CASZ1: variants seen among roughly 807,000 people sequenced by gnomAD.
CASZ1 encodes the protein zinc finger protein castor homolog 1.
Under a neutral mutation model 135.2 loss-of-function variants are expected in CASZ1, and 28 were observed. That is an observed-to-expected ratio of 0.21 (90% CI 0.15 to 0.28). The LOEUF is 0.28. CASZ1 is among the 10% of genes least tolerant of loss of function. CASZ1 has a pLI of 1.00. For missense variants in CASZ1, 2,161 were observed against 2,453.3 expected, an observed-to-expected ratio of 0.88 and a Z score of 2.52; for synonymous variants, 1,068 against 1,073.4, an observed-to-expected ratio of 0.99 and a Z score of 0.10.
intron 4 of CASZ1, among the ~76,000 whole-genome samples, chr1:10,687,215 C>G (rs957405562): frequency 6.6e-6 from 1 of 152,180 alleles, no homozygotes; most frequent in African/African-American, 2.4e-5. Flanking sequence ...TGAAAGAGCC[C>G]CATAAGAAAA....
At chr1:10,723,699 C>A (rs952225866) in intron 2 of CASZ1, among the ~76,000 whole-genome samples, 1 of 152,206 alleles carries the variant, frequency 6.6e-6, no homozygotes, top group African/African-American at 2.4e-5. Context: ...GGAAGCTGCC[C>A]CCATCTCTGA....
chr1:10,724,576 C>A lies in CASZ1; in HGVS notation c.-76-19032G>T, dbSNP rs1203577918. Among the ~76,000 whole-genome samples the A allele has an allele frequency of 6.6e-6, 1 of 152,184 alleles. No individual in the cohort carries two copies. Among genetic ancestry groups the A allele is most frequent in the African/African-American group, 2.4e-5 (1 of 41,440 alleles). ...GCTTTGGAGCCCAGGAATCACCTAGCCCTCAGGGGTAGGGGCTCAGGGAGT... is the reference window on the plus strand; with the variant it reads ...GCTTTGGAGCCCAGGAATCACCTAGACCTCAGGGGTAGGGGCTCAGGGAGT... On this transcript the variant is annotated intron_variant, in intron 2 of 20. Transcript: ENST00000377022. This position sits in a 1 kb window ranked among gnomAD's most constrained non-coding sequence, Gnocchi z 4.1.
intron 20 of CASZ1, among the ~76,000 whole-genome samples, chr1:10,640,647 T>C (rs1642173632): frequency 6.6e-6 from 1 of 152,176 alleles, no homozygotes; most frequent in Non-Finnish European, 1.5e-5. Flanking sequence ...GAAGGTTCTT[T>C]AAGGTCTTGT....
At chr1:10,782,697 GC>G (rs1471303114) in intron 1 of CASZ1, among the ~76,000 whole-genome samples, 1 of 152,112 alleles carries the variant, frequency 6.6e-6, no homozygotes, top group Admixed American at 6.6e-5. Context: ...AGTTGATTCA[GC>G]CCTTAACTCA....
At position 10,655,792 on chromosome 1, in the gene CASZ1, C is replaced by T. The variant is rs1018449961; in HGVS notation, c.1522G>A (p.Val508Met). ...NYQRFTSKQD[V>M]IRHYNMHKKR... is the part of the protein sequence containing the mutation. ...TTGTGCATGTTGTAGTGGCGGATCA[C>T]GTCCTGCTTACTCGTGAACCTCTGC... The change falls in exon 9 of 21, where the codon GTG (valine) becomes ATG (methionine). Residue 508 changes from valine to methionine, a missense_variant. By Grantham distance (21) the Val-to-Met change is conservative (BLOSUM62 1). Around this residue, in one of 7 missense-constraint regions of CASZ1, gnomAD observed 248 missense variants for 410.8 expected, o/e 0.60. Coordinates refer to ENST00000377022, the MANE Select transcript of CASZ1 (RefSeq NM_001079843.3). The T allele has an allele frequency of 5.6e-6, 9 of 1,613,982 alleles. No individual in the cohort carries two copies. Among genetic ancestry groups the T allele is most frequent in the African/African-American group, 2.7e-5 (2 of 74,942 alleles).
chr1:10,664,953 C>A (rs1478850050), intron 5 of CASZ1, 130 bp downstream of exon 5: 1 of 1,111,088 alleles, frequency 9.0e-7, no homozygotes, highest in Non-Finnish European at 1.2e-6. Flanking sequence ...GGAGCCCTCC[C>A]TGGGTGGGAT....
intron 1 of CASZ1, among the ~76,000 whole-genome samples, chr1:10,778,615 C>T (rs968588824): frequency 2.0e-5 from 3 of 152,152 alleles, no homozygotes; most frequent in South Asian, 2.1e-4. Context: ...ACTCCCCTCT[C>T]GCGGTCTTTC....
intron 4 of CASZ1, among the ~76,000 whole-genome samples, chr1:10,693,524 G>T (rs919344369): frequency 8.5e-4 from 45 of 52,804 alleles, no homozygotes; most frequent in Non-Finnish European, 1.4e-4. Flanking sequence ...AAAAAAAAAA[G>T]GCACACACAC....
chr1:10,773,068 C>T (rs2100596852), intron 1 of CASZ1, among the ~76,000 whole-genome samples: 1 of 152,110 alleles, frequency 6.6e-6, no homozygotes, highest in South Asian at 2.1e-4. Context: ...GAGGAAGGGG[C>T]TGGGTGCCCG....
In CASZ1 at chr1:10,719,955, C is replaced by T. The variant is rs539677926; in HGVS notation, c.-76-14411G>A. Among the ~76,000 whole-genome samples the T allele has an allele frequency of 6.6e-6, 1 of 152,354 alleles. No individual in the cohort carries two copies. The highest frequency in any genetic ancestry group is 6.5e-5 in the Admixed American group (1 of 15,312). On this transcript the variant is annotated intron_variant, in intron 2 of 20. Transcript: ENST00000377022. This position sits in a 1 kb window ranked among gnomAD's most constrained non-coding sequence, Gnocchi z 4.0. ...GAGATATGGTGCCTGAACACAGGTC[C>T]TCCGACAGCACCAGGGTGCGGTGTG...
rs183802257 is a variant in CASZ1 at position 10,681,147 on chromosome 1, C to T, written c.16+12727G>A. On this transcript the variant is annotated intron_variant, in intron 4 of 20. Coordinates refer to ENST00000377022, the MANE Select transcript of CASZ1 (RefSeq NM_001079843.3). ...AACTTCCAGCCTCAAGTGATCTGCCCGCCTTGGCCTCCCAAAGTGCTGGGA... is the reference window on the plus strand; with the variant it reads ...AACTTCCAGCCTCAAGTGATCTGCCTGCCTTGGCCTCCCAAAGTGCTGGGA... 3.0e-4 allele frequency among the ~76,000 whole-genome samples: 45 copies of T among 152,010 alleles called. No homozygotes were observed. In the East Asian group the frequency reaches 8.3e-3, roughly 28 times the overall value.
Position 10,709,302 on chromosome 1 carries a change from T to C in CASZ1, c.-76-3758A>G, listed in dbSNP as rs1639237352. On this transcript the variant is annotated intron_variant, in intron 2 of 20. Transcript: ENST00000377022. The surrounding 1 kb of genome is among the most constrained non-coding windows in gnomAD (Gnocchi z 5.1). ...GCACTCCACTGCGTCTCCTTCCCCC[T>C]GCCCCCAGCCCCATCCTCACGCACA... Among the ~76,000 whole-genome samples, 2 of 152,136 alleles carry C rather than the reference T, an allele frequency of 1.3e-5. No individual in the cohort carries two copies. Among genetic ancestry groups the C allele is most frequent in the South Asian group, 4.1e-4 (2 of 4,826 alleles).
At position 10,711,078 on chromosome 1, in the gene CASZ1, C is replaced by T. The variant is rs1272856024; in HGVS notation, c.-76-5534G>A. ...CCCGGGAGGCAGAGGTTGCAGTGAG[C>T]TGAGATCATGCAACTACACTCCAGC... is the stretch of plus-strand genomic sequence containing the variant. On this transcript the variant is annotated intron_variant, in intron 2 of 20. Transcript: ENST00000377022. The surrounding 1 kb of genome is among the most constrained non-coding windows in gnomAD (Gnocchi z 4.4). 6.6e-6 allele frequency among the ~76,000 whole-genome samples: 1 copy of T among 152,196 alleles called. No individual in the cohort carries two copies. The highest frequency in any genetic ancestry group is 1.5e-5 in the Non-Finnish European group (1 of 68,042).
rs892911040 is a variant in CASZ1, at chr1:10,776,528, C to T, written c.-233-15671G>A. Among the ~76,000 whole-genome samples the T allele has an allele frequency of 3.9e-5, 6 of 152,204 alleles. No homozygotes were observed. Among genetic ancestry groups the T allele is most frequent in the Non-Finnish European group, 7.3e-5 (5 of 68,044 alleles). ...AAGTTCACACCAGAGGGCTCTGACACGAGACACATCCAGACAGGCAGTGAT... is the reference window on the plus strand; with the variant it reads ...AAGTTCACACCAGAGGGCTCTGACATGAGACACATCCAGACAGGCAGTGAT... On this transcript the variant is annotated intron_variant, in intron 1 of 20. Coordinates refer to ENST00000377022, the MANE Select transcript of CASZ1 (RefSeq NM_001079843.3). This position sits in a 1 kb window ranked among gnomAD's most constrained non-coding sequence, Gnocchi z 4.1.
intron 4 of CASZ1, among the ~76,000 whole-genome samples, chr1:10,689,153 G>A (rs911467220): frequency 2.6e-5 from 4 of 152,126 alleles, no homozygotes; most frequent in African/African-American, 7.2e-5. Context: ...TGGGCCAGCC[G>A]TTCTAGAGGA....
At chr1:10,761,853 C>T (rs893474677) in intron 1 of CASZ1, among the ~76,000 whole-genome samples, 3 of 152,192 alleles carry the variant, frequency 2.0e-5, no homozygotes, top group Non-Finnish European at 4.4e-5. Context: ...AGGGGGTGCT[C>T]GGTCCGCTCT....
Position 10,699,050 on chromosome 1 carries a change from G to A in CASZ1, c.-23-5138C>T, listed in dbSNP as rs1339633383. Among the ~76,000 whole-genome samples the A allele has an allele frequency of 2.0e-5, 3 of 152,232 alleles. No individual in the cohort carries two copies. The East Asian group carries it at 5.8e-4, about 29-fold the overall frequency. ...GGGGTGGGAGCAAGATGGAGCCTGG[G>A]GTTGGGGGTGGACAGGTATCACACA... On this transcript the variant is annotated intron_variant, in intron 3 of 20. Transcript: ENST00000377022. This position sits in a 1 kb window ranked among gnomAD's most constrained non-coding sequence, Gnocchi z 4.6.
intron 4 of CASZ1, among the ~76,000 whole-genome samples, chr1:10,689,513 C>A (rs925790145): frequency 2.0e-5 from 3 of 152,116 alleles, no homozygotes; most frequent in African/African-American, 2.4e-5. Context: ...GGGTTCTCCT[C>A]GCTGGTCCCT....
chr1:10,710,888 T>C (rs1234403774), intron 2 of CASZ1, among the ~76,000 whole-genome samples: 1 of 152,218 alleles, frequency 6.6e-6, no homozygotes, highest in Admixed American at 6.5e-5. Context: ...CCCAGCACTT[T>C]GGGAGGCCAA....
Sources: gnomAD v4.1 joint callset for allele counts (sites outside exome capture counted in the v4.1 genomes callset) on GRCh38, gnomAD v4.1.1 for gene constraint, gnomAD v4.1.1 regional missense constraint, Gnocchi (gnomAD v3.1) non-coding constraint, MANE v1.5 for transcripts, NCBI Gene and HGNC (gene_info 2026-07-23, HGNC 2026-07-21) for gene names.